The following RAB40B variants were observed in gnomAD, a reference collection of about 807,000 sequenced individuals.
RAB40B encodes the protein ras-related protein Rab-40B.
Under a neutral mutation model 24.0 loss-of-function variants are expected in RAB40B, and 21 were observed. The observed-to-expected ratio is 0.88, with a 90% CI of 0.62 to 1.26. The LOEUF is 1.26. RAB40B is among the 50% of genes most tolerant of loss of function. The pLI is 0.00. For missense variants in RAB40B, 348 were observed against 390.5 expected (o/e 0.89, Z 0.92); for synonymous variants, 167 against 169.8 (o/e 0.98, Z 0.13).
At chr17:82,659,137 G>T (rs2143443436) in intron 4 of RAB40B, 2 of 247,428 alleles carry the variant, frequency 8.1e-6, no homozygotes, top group South Asian at 1.3e-4. Flanking sequence ...TGTTGTTCAG[G>T]ACGCCCAGGT....
intron 3 of RAB40B, among the ~76,000 whole-genome samples, 169 bp downstream of exon 3, chr17:82,660,818 T>G (rs542290170): frequency 6.6e-6 from 1 of 152,374 alleles, no homozygotes; most frequent in East Asian, 1.9e-4. Flanking sequence ...ATGAAGTCTT[T>G]CAAACAACCA....
chr17:82,677,839 C>A (rs1472135513), intron 1 of RAB40B, among the ~76,000 whole-genome samples: 1 of 152,236 alleles, frequency 6.6e-6, no homozygotes, highest in Admixed American at 6.5e-5. Flanking sequence ...GACCCCTGCA[C>A]CTGACCCGGG....
chr17:82,667,292 G>A lies in RAB40B; in HGVS notation c.143-2736C>T, dbSNP rs1023922834. On this transcript the variant is annotated intron_variant, in intron 1 of 5. Transcript: ENST00000571995. The surrounding 1 kb of genome is among the most constrained non-coding windows in gnomAD (Gnocchi z 4.3). Reference sequence around the variant, plus strand: ...CGAGGTGTGCAGTGGCGGTGCCACCGGTGGCCTCCCACTTGGCTTGGACAG... The same window carrying A: ...CGAGGTGTGCAGTGGCGGTGCCACCAGTGGCCTCCCACTTGGCTTGGACAG... 6.6e-5 allele frequency among the ~76,000 whole-genome samples: 10 copies of A among 152,176 alleles called. No homozygotes were observed. The highest frequency in any genetic ancestry group is 1.9e-4 in the African/African-American group (8 of 41,442).
At chr17:82,695,829 A>G (rs1315035237) in intron 1 of RAB40B, among the ~76,000 whole-genome samples, 1 of 152,184 alleles carries the variant, frequency 6.6e-6, no homozygotes, top group Non-Finnish European at 1.5e-5. Flanking sequence ...CACCCGTGAT[A>G]TCAGTTTTTT....
chr17:82,690,369 T>G (rs1316743209), intron 1 of RAB40B, among the ~76,000 whole-genome samples: 1 of 143,264 alleles, frequency 7.0e-6, no homozygotes, highest in African/African-American at 2.7e-5. Context: ...CAGGGGGAGA[T>G]CTGCAGAATT....
chr17:82,669,306 T>C (rs1330555390), intron 1 of RAB40B, among the ~76,000 whole-genome samples: 1 of 152,070 alleles, frequency 6.6e-6, no homozygotes, highest in Non-Finnish European at 1.5e-5. Flanking sequence ...AGAAACCTTG[T>C]CTCTGCTAAA....
At chr17:82,664,593 G>A (rs771167707) in intron 1 of RAB40B, 37 bp from the exon 2 acceptor site, 2 of 1,591,114 alleles carry the variant, frequency 1.3e-6, no homozygotes, top group Non-Finnish European at 1.7e-6. Flanking sequence ...GCCTGAGGCT[G>A]CAGCTAACAG....
chr17:82,670,617 C>A (rs1488316128), intron 1 of RAB40B, among the ~76,000 whole-genome samples: 5 of 151,404 alleles, frequency 3.3e-5, no homozygotes, highest in African/African-American at 9.7e-5. Flanking sequence ...TCATTGTAAC[C>A]TCCGCCTCCC....
chr17:82,662,040 C>T (rs2046181015), intron 2 of RAB40B: 1 of 985,456 alleles, frequency 1.0e-6, no homozygotes, highest in Non-Finnish European at 1.2e-6. Context: ...ATGGGAGATT[C>T]CCCAGTGGGC....
rs1273911770 is a variant in RAB40B, at chr17:82,698,549, C to T, written c.48G>A (p.Lys16=). 6.6e-7 allele frequency: 1 copy of T among 1,525,374 alleles called. No homozygotes were observed. The highest frequency in any genetic ancestry group is 8.8e-7 in the Non-Finnish European group (1 of 1,131,154). 94.5% of individuals were successfully genotyped at this position (1,525,374 alleles called of 1,614,324 possible). The change falls in exon 1 of 6, where the codon AAG becomes AAA. Residue 16 remains lysine, a synonymous_variant. Coordinates refer to ENST00000571995, the MANE Select transcript of RAB40B (RefSeq NM_006822.3). ...CGTCGCTGTCGCCCACCAGCAGGAA[C>T]TTGAGCAGAAAGTCGTAGGCCCGGA... ...SPVRAYDFLL[K]FLLVGDSDVG...
intron 1 of RAB40B, among the ~76,000 whole-genome samples, chr17:82,688,762 C>T (rs894261499): frequency 2.0e-5 from 3 of 151,924 alleles, no homozygotes; most frequent in African/African-American, 7.3e-5. Flanking sequence ...AGTGAAACCC[C>T]GTCTTTACTA....
At chr17:82,660,704 AC>A (rs2046160222) in intron 3 of RAB40B, among the ~76,000 whole-genome samples, 1 of 149,574 alleles carries the variant, frequency 6.7e-6, no homozygotes, top group African/African-American at 2.5e-5. Flanking sequence ...ACACACACAC[AC>A]AGGCACTCAT....
At position 82,663,090 on chromosome 17, in the gene RAB40B, C is replaced by G. The variant is rs1195135400; in HGVS notation, c.203+1406G>C. On this transcript the variant is annotated intron_variant, in intron 2 of 5. Transcript: ENST00000571995. This position sits in a 1 kb window ranked among gnomAD's most constrained non-coding sequence, Gnocchi z 6.2. The stretch of plus-strand genomic sequence containing the variant: ...AGCAGGACAGGGGCTGACGGCAACC[C>G]CAACGCCAGCCCAGCGAGGGCATGG... Among the ~76,000 whole-genome samples, 2 of 152,086 alleles carry G rather than the reference C, an allele frequency of 1.3e-5. No homozygotes were observed. The highest frequency in any genetic ancestry group is 2.9e-5 in the Non-Finnish European group (2 of 68,000).
At position 82,657,669 on chromosome 17, in the gene RAB40B, G is replaced by A; in HGVS notation, c.*194C>T. 2 of 734,318 alleles carry A rather than the reference G, an allele frequency of 2.7e-6. No homozygotes were observed. Among genetic ancestry groups the A allele is most frequent in the South Asian group, 2.9e-5 (2 of 70,148 alleles). The allele number at this position is 734,318 out of a possible 1,614,324, so 45.5% of individuals were successfully genotyped here. A position where few individuals can be genotyped will look rare whatever the true frequency, so the allele number is the denominator to read the frequency against. ...CTTTACAAACACACATCGAAAACAA[G>A]AGCTTCATGCACATCCACGTAGAAA... On this transcript the variant is annotated 3_prime_UTR_variant, in exon 6 of 6. Transcript: ENST00000571995.
intron 5 of RAB40B, 147 bp from the exon 6 acceptor site, chr17:82,658,281 G>A (rs1487712403): frequency 2.7e-5 from 32 of 1,188,154 alleles, no homozygotes; most frequent in Non-Finnish European, 3.4e-5. Context: ...CTGCCGCGAC[G>A]TCCCCTCTGC....
At chr17:82,684,412 G>T (rs972882012) in intron 1 of RAB40B, among the ~76,000 whole-genome samples, 1 of 152,152 alleles carries the variant, frequency 6.6e-6, no homozygotes, top group Non-Finnish European at 1.5e-5. Flanking sequence ...TTTATCATAT[G>T]ACCTAGCAAC....
rs2046477057 is a variant in RAB40B at position 82,684,432 on chromosome 17, G to A, written c.142+14023C>T. Among the ~76,000 whole-genome samples, 5 of 152,088 alleles carry A rather than the reference G, an allele frequency of 3.3e-5. No individual in the cohort carries two copies. The South Asian group carries it at 1.0e-3, about 32-fold the overall frequency. On this transcript the variant is annotated intron_variant, in intron 1 of 5. Coordinates refer to ENST00000571995, the MANE Select transcript of RAB40B (RefSeq NM_006822.3). ...CATATGACCTAGCAACTCCACCCCT[G>A]GATATTTACCCAAGTGAAATAAAAA... is the stretch of plus-strand genomic sequence containing the variant.
chr17:82,685,922 G>A (rs1225482517), intron 1 of RAB40B, among the ~76,000 whole-genome samples: 1 of 151,506 alleles, frequency 6.6e-6, no homozygotes, highest in Non-Finnish European at 1.5e-5. Context: ...TCCTACCTCA[G>A]CCTCCCAAGT....
At chr17:82,674,328 G>A (rs981509628) in intron 1 of RAB40B, among the ~76,000 whole-genome samples, 18 of 145,560 alleles carry the variant, frequency 1.2e-4, no homozygotes, top group African/African-American at 4.6e-4. Flanking sequence ...AAAAAAGAGT[G>A]AAACTCCGTC....
Sources: gnomAD v4.1 joint callset for allele counts (sites outside exome capture counted in the v4.1 genomes callset) on GRCh38, gnomAD v4.1.1 for gene constraint, Gnocchi (gnomAD v3.1) non-coding constraint, MANE v1.5 for transcripts, NCBI Gene and HGNC (gene_info 2026-07-23, HGNC 2026-07-21) for gene names.